The following SLC1A1 variants were observed in gnomAD, a reference collection of about 807,000 sequenced individuals.
The protein encoded by SLC1A1 is excitatory amino acid transporter 3.
A neutral mutation model predicts 53.3 loss-of-function variants in SLC1A1; 43 were observed. The observed-to-expected ratio is 0.81, with a 90% CI of 0.63 to 1.04. SLC1A1 has a LOEUF of 1.04. SLC1A1 is among the 50% of genes least tolerant of loss of function. SLC1A1 has a pLI of 0.00. For missense variants in SLC1A1, 748 were observed against 664.9 expected (o/e 1.12, Z -1.37); for synonymous variants, 307 against 243.2 (o/e 1.26, Z -2.44).
intron 10 of SLC1A1, among the ~76,000 whole-genome samples, chr9:4,577,484 T>G (rs756775096): frequency 4.3e-4 from 66 of 152,216 alleles, no homozygotes; most frequent in Non-Finnish European, 7.9e-4. Context: ...TATGTATTTA[T>G]TTATTTTTTG....
rs140020584 is a variant in SLC1A1 at position 4,527,573 on chromosome 9, T to C, written c.92-16994T>C. On this transcript the variant is annotated intron_variant, in intron 1 of 11. Coordinates refer to ENST00000262352, the MANE Select transcript of SLC1A1 (RefSeq NM_004170.6). Reference sequence around the variant, plus strand: ...ACATTTGCCATTCTGCTATACCTTCTCTTAGAGCACAATTTTGATGGAGAT... The same window carrying C: ...ACATTTGCCATTCTGCTATACCTTCCCTTAGAGCACAATTTTGATGGAGAT... Among the ~76,000 whole-genome samples, 65 of 152,330 alleles carry C rather than the reference T, an allele frequency of 4.3e-4. No homozygotes were observed. The South Asian group carries it at 7.5e-3, about 17-fold the overall frequency.
chr9:4,585,254 A>C, intron 11 of SLC1A1, 58 bp from the exon 12 acceptor site: 1 of 1,605,816 alleles, frequency 6.2e-7, no homozygotes, highest in Non-Finnish European at 8.5e-7. Context: ...GCATCTCTCC[A>C]GTGATGAAGG....
intron 10 of SLC1A1, among the ~76,000 whole-genome samples, chr9:4,581,826 A>G (rs1414930375): frequency 6.6e-6 from 1 of 152,212 alleles, no homozygotes; most frequent in Non-Finnish European, 1.5e-5. Context: ...TACACTTGTC[A>G]AAAAACTCTG....
chr9:4,519,419 G>T (rs1444208112), intron 1 of SLC1A1, among the ~76,000 whole-genome samples: 1 of 152,198 alleles, frequency 6.6e-6, no homozygotes, highest in African/African-American at 2.4e-5. Flanking sequence ...AATGACATAG[G>T]TAAGTATGCA....
chr9:4,494,933 G>T (rs1402849613), intron 1 of SLC1A1, among the ~76,000 whole-genome samples: 1 of 152,170 alleles, frequency 6.6e-6, no homozygotes, highest in Non-Finnish European at 1.5e-5. Context: ...TTCAGAAAAA[G>T]CAATAGGTAT....
At chr9:4,545,612 T>TGA (rs1817425104) in intron 2 of SLC1A1, among the ~76,000 whole-genome samples, 1 of 152,262 alleles carries the variant, frequency 6.6e-6, no homozygotes, top group African/African-American at 2.4e-5. Context: ...GAACTTGCTA[T>TGA]GTGTCTGCCC....
At chr9:4,534,227 A>G (rs1162497580) in intron 1 of SLC1A1, among the ~76,000 whole-genome samples, 2 of 152,156 alleles carry the variant, frequency 1.3e-5, no homozygotes, top group African/African-American at 4.8e-5. Flanking sequence ...AACTGAAGGA[A>G]ATAGAGACAC....
intron 6 of SLC1A1, among the ~76,000 whole-genome samples, chr9:4,571,099 G>C (rs1225688299): frequency 1.3e-5 from 2 of 152,120 alleles, no homozygotes; most frequent in African/African-American, 2.4e-5. Flanking sequence ...GATGGAGCTA[G>C]AGGCCATTAT....
rs1322098568 is a variant in SLC1A1, at chr9:4,490,915, C to T, written c.91+145C>T. On this transcript the variant is annotated intron_variant, in intron 1 of 11. Coordinates refer to ENST00000262352, the MANE Select transcript of SLC1A1 (RefSeq NM_004170.6). ...CTCGGCCTTAGCCTCGGGCCCCCTGCGGGGGCTTTCCCCCAAGCGCTCTAA... is the reference window on the plus strand; with the variant it reads ...CTCGGCCTTAGCCTCGGGCCCCCTGTGGGGGCTTTCCCCCAAGCGCTCTAA... 16 of 663,912 alleles carry T rather than the reference C, an allele frequency of 2.4e-5. No individual in the cohort carries two copies. In the African/African-American group the frequency reaches 2.6e-4, roughly 11 times the overall value. 41.1% of individuals were successfully genotyped at this position (663,912 alleles called of 1,614,324 possible).
At chr9:4,528,149 T>C (rs1816330405) in intron 1 of SLC1A1, among the ~76,000 whole-genome samples, 1 of 152,102 alleles carries the variant, frequency 6.6e-6, no homozygotes, top group South Asian at 2.1e-4. Flanking sequence ...TGCTAATTGA[T>C]CAGAGTCTCC....
intron 1 of SLC1A1, among the ~76,000 whole-genome samples, chr9:4,518,432 T>C (rs1815942770): frequency 6.6e-6 from 1 of 151,798 alleles, no homozygotes; most frequent in Non-Finnish European, 1.5e-5. Context: ...AGTGGCATGA[T>C]CTCAGCTCAC....
chr9:4,532,933 T>C (rs1416249167), intron 1 of SLC1A1, among the ~76,000 whole-genome samples: 2 of 152,172 alleles, frequency 1.3e-5, no homozygotes, highest in African/African-American at 4.8e-5. Context: ...AAAAGAATTT[T>C]CAACCCAGAA....
intron 6 of SLC1A1, among the ~76,000 whole-genome samples, chr9:4,568,158 G>A (rs1200285579): frequency 6.6e-6 from 1 of 152,096 alleles, no homozygotes; most frequent in Non-Finnish European, 1.5e-5. Flanking sequence ...AGTGACTCAT[G>A]TCTGTAATCC....
intron 2 of SLC1A1, among the ~76,000 whole-genome samples, chr9:4,550,539 C>T (rs923537277): frequency 6.6e-6 from 1 of 152,024 alleles, no homozygotes; most frequent in Admixed American, 6.6e-5. Context: ...TACGGGTGGC[C>T]CACACCACCA....
At chr9:4,523,191 T>C (rs1326952461) in intron 1 of SLC1A1, among the ~76,000 whole-genome samples, 1 of 152,212 alleles carries the variant, frequency 6.6e-6, no homozygotes, top group Non-Finnish European at 1.5e-5. Flanking sequence ...TCTCATTAGA[T>C]GTGAGCTCCT....
intron 8 of SLC1A1, among the ~76,000 whole-genome samples, chr9:4,575,737 G>C (rs1362706514): frequency 1.3e-5 from 2 of 152,176 alleles, no homozygotes; most frequent in Non-Finnish European, 2.9e-5. Context: ...GTGGCAGCAT[G>C]ATATAATTCT....
chr9:4,522,377 A>G (rs1052104793), intron 1 of SLC1A1, among the ~76,000 whole-genome samples: 6 of 152,080 alleles, frequency 3.9e-5, no homozygotes, highest in African/African-American at 7.2e-5. Context: ...CAAGACCCCA[A>G]GGTGATTCAA....
intron 1 of SLC1A1, among the ~76,000 whole-genome samples, chr9:4,496,516 A>G (rs540002695): frequency 2.4e-4 from 36 of 152,102 alleles, no homozygotes; most frequent in African/African-American, 8.2e-4. Context: ...CACTGCACTC[A>G]GCCTTGTTTT....
rs1190126132 is a variant in SLC1A1 at position 4,537,601 on chromosome 9, A to T, written c.92-6966A>T. 1.6e-4 allele frequency among the ~76,000 whole-genome samples: 6 copies of T among 37,836 alleles called. 1 individual carries two copies. Among genetic ancestry groups the T allele is most frequent in the East Asian group, 5.9e-4 (2 of 3,362 alleles). 24.8% of individuals were successfully genotyped at this position (37,836 alleles called of 152,430 possible). On this transcript the variant is annotated intron_variant, in intron 1 of 11. Coordinates refer to ENST00000262352, the MANE Select transcript of SLC1A1 (RefSeq NM_004170.6). ...AATAAAATAAAATAAAATAAAATAA[A>T]AAAAAAAAAAATCACATGCTACAAC... is the stretch of plus-strand genomic sequence containing the variant.
Sources: gnomAD v4.1 joint callset for allele counts (sites outside exome capture counted in the v4.1 genomes callset) on GRCh38, gnomAD v4.1.1 for gene constraint, MANE v1.5 for transcripts, NCBI Gene and HGNC (gene_info 2026-07-23, HGNC 2026-07-21) for gene names.